The following ANXA8 variants were observed in gnomAD, a reference collection of about 807,000 sequenced individuals.
ANXA8 encodes the protein VAC-beta.
In ANXA8, 9 loss-of-function variants were observed where a neutral mutation model predicts 26.8. That is an observed-to-expected ratio of 0.34 (90% confidence interval 0.20 to 0.59). ANXA8 has a LOEUF of 0.59. ANXA8 is among the 20% of genes least tolerant of loss of function. The pLI, the probability that ANXA8 is intolerant of heterozygous loss-of-function variation, is 0.84. For synonymous variants in ANXA8, 39 were observed against 94.8 expected, an observed-to-expected ratio of 0.41 and a Z score of 3.42; for missense variants, 83 against 238.5, an observed-to-expected ratio of 0.35 and a Z score of 4.29.
the ANXA8 span, among the ~76,000 whole-genome samples, chr10:47,706,005 G>T: frequency 3.4e-5 from 5 of 147,388 alleles, 1 homozygote; most frequent in Non-Finnish European, 7.5e-5. Context: ...GCGTGTTGTG[G>T]GGGGGGAGGG....
At chr10:47,501,627 T>G in the ANXA8 span, among the ~76,000 whole-genome samples, 1 of 140,184 alleles carries the variant, frequency 7.1e-6, no homozygotes, top group Non-Finnish European at 1.5e-5. Context: ...GAGAATGGTG[T>G]GAATCCAGGA....
chr10:47,703,232 A>G, the ANXA8 span, among the ~76,000 whole-genome samples: 2 of 151,708 alleles, frequency 1.3e-5, no homozygotes, highest in African/African-American at 2.4e-5. Flanking sequence ...CTTCCTTCCA[A>G]TGGAATTCCA....
chr10:47,652,196 A>G, the ANXA8 span, among the ~76,000 whole-genome samples: 2 of 152,036 alleles, frequency 1.3e-5, no homozygotes, highest in Non-Finnish European at 2.9e-5. Flanking sequence ...GGTGATAGAA[A>G]TGTTCTGGAA....
At chr10:47,986,237 T>G in the ANXA8 span, 1 of 152,896 alleles carries the variant, frequency 6.5e-6, no homozygotes, top group African/African-American at 2.4e-5. Flanking sequence ...GTGGGCTTGT[T>G]TGAAGTTTGT....
chr10:47,540,988 G>GA, the ANXA8 span, among the ~76,000 whole-genome samples: 1 of 130,816 alleles, frequency 7.6e-6, no homozygotes, highest in East Asian at 2.6e-4. Flanking sequence ...ACATAAATTA[G>GA]AAAAAACTAA....
chr10:47,673,705 C>T, the ANXA8 span, among the ~76,000 whole-genome samples: 1 of 151,784 alleles, frequency 6.6e-6, no homozygotes, highest in South Asian at 2.1e-4. Flanking sequence ...GAAACAGTTT[C>T]AGATTTAAAG....
intron 11 of ANXA8, among the ~76,000 whole-genome samples, chr10:47,469,776 C>A (rs1839262197): frequency 6.6e-6 from 1 of 151,568 alleles, no homozygotes; most frequent in Non-Finnish European, 1.5e-5. Context: ...CACTCTGGAC[C>A]AGTTTAGGTC....
At chr10:47,508,067 T>C in the ANXA8 span, among the ~76,000 whole-genome samples, 1 of 133,898 alleles carries the variant, frequency 7.5e-6, no homozygotes, top group Non-Finnish European at 1.6e-5. Context: ...GATAATTTTT[T>C]TTTTGGGGGG....
chr10:47,664,234 C>T, the ANXA8 span, among the ~76,000 whole-genome samples: 10 of 151,712 alleles, frequency 6.6e-5, no homozygotes, highest in East Asian at 3.9e-4. Flanking sequence ...AAAAATGAGC[C>T]GGGCGTGGTG....
the ANXA8 span, among the ~76,000 whole-genome samples, chr10:47,699,674 A>T: frequency 6.6e-6 from 1 of 151,472 alleles, no homozygotes; most frequent in African/African-American, 2.4e-5. Context: ...AAAGAAAAAG[A>T]AAAAAATGCT....
the ANXA8 span, among the ~76,000 whole-genome samples, chr10:47,566,582 C>T: frequency 1.4e-5 from 2 of 146,780 alleles, no homozygotes; most frequent in Non-Finnish European, 3.0e-5. Flanking sequence ...AGGGAGGGCA[C>T]CCCGCTGCCC....
the ANXA8 span, among the ~76,000 whole-genome samples, chr10:47,519,883 G>A: frequency 1.5e-3 from 1 of 680 alleles, no homozygotes; most frequent in South Asian, 0.024. Context: ...TGTATGGCTT[G>A]TTGGCAAATA....
chr10:47,684,423 TG>T, the ANXA8 span, among the ~76,000 whole-genome samples: 42,432 of 135,876 alleles, frequency 0.31, 4,012 homozygotes, highest in East Asian at 0.42. Context: ...AGTTTTTTTT[TG>T]GGGGGGGGGT....
chr10:47,525,485 C>A, the ANXA8 span, among the ~76,000 whole-genome samples: 2 of 121,694 alleles, frequency 1.6e-5, no homozygotes, highest in African/African-American at 3.1e-5. Context: ...AGGATAACTG[C>A]CCCTGTGATC....
the ANXA8 span, among the ~76,000 whole-genome samples, chr10:47,757,525 T>C: frequency 1.6e-4 from 12 of 76,768 alleles, 2 homozygotes; most frequent in Admixed American, 1.4e-3. Context: ...TGCAGTCCTG[T>C]GGACCACAGC....
the ANXA8 span, among the ~76,000 whole-genome samples, chr10:47,733,168 T>G: frequency 9.9e-6 from 1 of 100,942 alleles, no homozygotes; most frequent in Non-Finnish European, 2.3e-5. Flanking sequence ...TTTCTTTCTT[T>G]CTTTCTTTCT....
chr10:47,536,370 A>C, the ANXA8 span, among the ~76,000 whole-genome samples: 1 of 50,804 alleles, frequency 2.0e-5, no homozygotes, highest in Non-Finnish European at 3.1e-5. Context: ...CAGACTCCAG[A>C]ATGTGGAAAA....
chr10:47,648,229 C>A, the ANXA8 span, among the ~76,000 whole-genome samples: 2 of 151,682 alleles, frequency 1.3e-5, no homozygotes, highest in African/African-American at 4.9e-5. Context: ...TTCTCTAGTA[C>A]CTCCCAATAG....
the ANXA8 span, among the ~76,000 whole-genome samples, chr10:47,619,762 A>G: frequency 8.8e-6 from 1 of 114,182 alleles, no homozygotes; most frequent in Non-Finnish European, 1.9e-5. Context: ...GTGATAAGGA[A>G]TAATAAACCA....
Sources: gnomAD v4.1 joint callset for allele counts (sites outside exome capture counted in the v4.1 genomes callset) on GRCh38, gnomAD v4.1.1 for gene constraint, MANE v1.5 for transcripts, NCBI Gene and HGNC (gene_info 2026-07-23, HGNC 2026-07-21) for gene names.